Variants in CALN1 observed in about 807,000 individuals in gnomAD.
The protein encoded by CALN1 is calneuron 1.
CALN1 carries 17 observed loss-of-function variants against 30.6 expected under a neutral mutation model. The ratio of observed to expected loss-of-function variants is 0.56; its 90% CI spans 0.38 to 0.83. The LOEUF (loss-of-function observed/expected upper bound fraction) is 0.83, where lower values mean the gene tolerates loss of function less well. Ranked by LOEUF, CALN1 falls within the 40% of genes least tolerant of loss-of-function variation. CALN1 has a pLI of 0.00. For synonymous variants in CALN1, 156 were observed against 131.4 expected, an observed-to-expected ratio of 1.19 and a Z score of -1.28; for missense variants, 291 against 354.9, an observed-to-expected ratio of 0.82 and a Z score of 1.45.
intron 3 of CALN1, among the ~76,000 whole-genome samples, chr7:72,165,786 T>A (rs375864112): frequency 6.6e-6 from 1 of 151,548 alleles, no homozygotes; most frequent in Admixed American, 6.6e-5. Context: ...CTAGATAAAA[T>A]GCAGGGAAGA....
intron 2 of CALN1, among the ~76,000 whole-genome samples, chr7:72,348,869 A>T (rs1802779665): frequency 1.3e-5 from 2 of 152,230 alleles, no homozygotes; most frequent in Admixed American, 1.3e-4. Flanking sequence ...AGCAAAATTC[A>T]GAAACTCAAC....
chr7:72,057,380 G>A (rs368524487), intron 4 of CALN1, among the ~76,000 whole-genome samples: 1 of 76,164 alleles, frequency 1.3e-5, no homozygotes, highest in South Asian at 5.4e-4. Context: ...CTTTTTAAAT[G>A]TTCTTTTTTT....
At chr7:72,144,969 G>A (rs918053501) in intron 3 of CALN1, among the ~76,000 whole-genome samples, 1 of 152,070 alleles carries the variant, frequency 6.6e-6, no homozygotes, top group Non-Finnish European at 1.5e-5. Flanking sequence ...CACATTTAAA[G>A]CAGTGTGTAG....
Position 72,306,786 on chromosome 7 carries a change from T to TAAAA in CALN1, c.120-27980_120-27977dup, listed in dbSNP as rs577592314. The stretch of plus-strand genomic sequence containing the variant: ...ATGTCTCATCCCTCCCTAATATGTA[T>TAAAA]AAAACTAAGCTGTGCCCTGACCACC... On this transcript the variant is annotated intron_variant, in intron 2 of 6. Coordinates refer to ENST00000395275, the MANE Select transcript of CALN1 (RefSeq NM_031468.4). 1.2e-4 allele frequency among the ~76,000 whole-genome samples: 18 copies of TAAAA among 152,304 alleles called. No homozygotes were observed. In the East Asian group the frequency reaches 3.3e-3, roughly 28 times the overall value.
At chr7:71,882,892 GTT>G (rs1491140300) in intron 5 of CALN1, among the ~76,000 whole-genome samples, 5 of 147,508 alleles carry the variant, frequency 3.4e-5, no homozygotes, top group Admixed American at 2.7e-4. Flanking sequence ...GTGTGTGTGT[GTT>G]TGTAAAGACA....
At chr7:72,157,382 A>G (rs1787773797) in intron 3 of CALN1, among the ~76,000 whole-genome samples, 1 of 152,148 alleles carries the variant, frequency 6.6e-6, no homozygotes, top group Non-Finnish European at 1.5e-5. Context: ...AGGCCAAGAC[A>G]GGAGGAGCAC....
chr7:72,255,674 C>A (rs1795860807), intron 3 of CALN1, among the ~76,000 whole-genome samples: 1 of 151,494 alleles, frequency 6.6e-6, no homozygotes, highest in Non-Finnish European at 1.5e-5. Context: ...CCTCAGCCTC[C>A]CAAAGTGCTG....
At chr7:71,809,506 C>T (rs1787817568) in intron 6 of CALN1, among the ~76,000 whole-genome samples, 1 of 144,114 alleles carries the variant, frequency 6.9e-6, no homozygotes, top group South Asian at 2.3e-4. Context: ...AATTTGACCT[C>T]CTTAAGAAAT....
At chr7:71,904,761 C>T (rs536737478) in intron 5 of CALN1, among the ~76,000 whole-genome samples, 3 of 152,252 alleles carry the variant, frequency 2.0e-5, no homozygotes, top group South Asian at 2.1e-4. Context: ...TAATTTATCC[C>T]ACAATGTACG....
At chr7:72,085,730 T>C (rs1805442722) in intron 4 of CALN1, among the ~76,000 whole-genome samples, 1 of 152,200 alleles carries the variant, frequency 6.6e-6, no homozygotes, top group Non-Finnish European at 1.5e-5. Context: ...TCAAAATTCA[T>C]CAAACTGAAC....
chr7:72,096,421 A>G (rs1417255245), intron 4 of CALN1, among the ~76,000 whole-genome samples: 1 of 151,742 alleles, frequency 6.6e-6, no homozygotes, highest in Non-Finnish European at 1.5e-5. Flanking sequence ...TCTGTAGCCA[A>G]AGAGTTTTCT....
intron 3 of CALN1, among the ~76,000 whole-genome samples, chr7:72,147,625 G>T (rs1478095771): frequency 6.6e-6 from 1 of 151,974 alleles, no homozygotes; most frequent in Admixed American, 6.6e-5. Flanking sequence ...TATAAATCAT[G>T]CTACTATAAA....
the CALN1 span, among the ~76,000 whole-genome samples, chr7:72,499,112 C>A: frequency 6.6e-6 from 1 of 152,120 alleles, no homozygotes; most frequent in Non-Finnish European, 1.5e-5. Flanking sequence ...CTCACTGCAA[C>A]CTCCACCTCC....
chr7:72,083,771 T>C (rs2129539055), intron 4 of CALN1, among the ~76,000 whole-genome samples: 1 of 151,870 alleles, frequency 6.6e-6, no homozygotes, highest in East Asian at 1.9e-4. Flanking sequence ...ATACAAAAAT[T>C]AGCTGGGCAT....
At chr7:72,104,474 G>T (rs1043507724) in intron 4 of CALN1, among the ~76,000 whole-genome samples, 6 of 152,122 alleles carry the variant, frequency 3.9e-5, no homozygotes, top group African/African-American at 1.4e-4. Context: ...GTGCCATGGT[G>T]GTTTGCTGCA....
At chr7:72,098,605 G>A (rs963747603) in intron 4 of CALN1, among the ~76,000 whole-genome samples, 1 of 151,952 alleles carries the variant, frequency 6.6e-6, no homozygotes, top group African/African-American at 2.4e-5. Context: ...CCATTTGGGA[G>A]GCTGAGGTGG....
At position 72,436,725 on chromosome 7, in the gene CALN1, T is replaced by G. The variant is rs532242057; in HGVS notation, c.-226+10317A>C. ...TGGGCACACCCCCTCTTAAATAATGTTCTCCAAGCGTGGGCCCAAACAAGC... is the reference window on the plus strand; with the variant it reads ...TGGGCACACCCCCTCTTAAATAATGGTCTCCAAGCGTGGGCCCAAACAAGC... On this transcript the variant is annotated intron_variant, in intron 1 of 6. Transcript: ENST00000395276. 2.6e-5 allele frequency among the ~76,000 whole-genome samples: 4 copies of G among 152,216 alleles called. No individual in the cohort carries two copies. In the South Asian group the frequency reaches 8.3e-4, roughly 32 times the overall value.
chr7:72,253,664 C>T (rs922076114), intron 3 of CALN1, among the ~76,000 whole-genome samples: 1 of 152,234 alleles, frequency 6.6e-6, no homozygotes, highest in African/African-American at 2.4e-5. Context: ...CCAATCATCT[C>T]CCACCAGGTC....
intron 2 of CALN1, among the ~76,000 whole-genome samples, chr7:72,384,793 T>C (rs1417369282): frequency 6.6e-6 from 1 of 151,468 alleles, no homozygotes; most frequent in African/African-American, 2.4e-5. Context: ...GCATTATCCC[T>C]GAAAGAAAAA....
Sources: gnomAD v4.1 joint callset for allele counts (sites outside exome capture counted in the v4.1 genomes callset) on GRCh38, gnomAD v4.1.1 for gene constraint, MANE v1.5 for transcripts, NCBI Gene and HGNC (gene_info 2026-07-23, HGNC 2026-07-21) for gene names.